Variants in ARMC9 observed in about 807,000 individuals in gnomAD.
ARMC9 encodes the protein armadillo repeat containing 9.
In ARMC9, 94 loss-of-function variants were observed where a neutral mutation model predicts 107.0. That is an observed-to-expected ratio of 0.88 (90% CI 0.74 to 1.04). ARMC9 has a LOEUF of 1.04. ARMC9 is among the 50% of genes least tolerant of loss of function. The pLI is 0.00. For synonymous variants in ARMC9, 380 were observed against 396.9 expected (o/e 0.96, Z 0.51); for missense variants, 942 against 1,030.1 (o/e 0.91, Z 1.17).
In ARMC9 at chr2:231,371,494, C is replaced by T. The variant is rs2046018756; in HGVS notation, c.2435-19C>T. 8.1e-7 allele frequency: 1 copy of T among 1,238,966 alleles called. No homozygotes were observed. Among genetic ancestry groups the T allele is most frequent in the East Asian group, 3.1e-5 (1 of 31,766 alleles). The allele number at this position is 1,238,966 out of a possible 1,614,324, so 76.7% of individuals were successfully genotyped here. Reference sequence around the variant, plus strand: ...GAGACCACACAGCACTGGCATCTTGCTCTGGCTTTTCTCTCCAGGCAGCCA... The same window carrying T: ...GAGACCACACAGCACTGGCATCTTGTTCTGGCTTTTCTCTCCAGGCAGCCA... On this transcript the variant is annotated intron_variant, in intron 24 of 24. Coordinates refer to ENST00000611582, the MANE Select transcript of ARMC9 (RefSeq NM_001352754.2).
At chr2:231,303,048 T>A (rs1290007180) in intron 19 of ARMC9, among the ~76,000 whole-genome samples, 1 of 152,246 alleles carries the variant, frequency 6.6e-6, no homozygotes, top group Admixed American at 6.5e-5. Flanking sequence ...ATCTTGTTAA[T>A]TAAAATCTAT....
Position 231,362,159 on chromosome 2 carries a change from T to G in ARMC9, c.2261+1276T>G, listed in dbSNP as rs1265721675. On this transcript the variant is annotated intron_variant, in intron 23 of 24. Transcript: ENST00000611582. The surrounding 1 kb of genome is among the most constrained non-coding windows in gnomAD (Gnocchi z 4.7). ...CTGCCTGGGGACCCAGGGACCTACCTCCCCTACCTGGGCCTCCTCCCCTCT... is the reference window on the plus strand; with the variant it reads ...CTGCCTGGGGACCCAGGGACCTACCGCCCCTACCTGGGCCTCCTCCCCTCT... 6.6e-6 allele frequency among the ~76,000 whole-genome samples: 1 copy of G among 152,076 alleles called. No individual in the cohort carries two copies. Among genetic ancestry groups the G allele is most frequent in the Non-Finnish European group, 1.5e-5 (1 of 68,000 alleles).
At chr2:231,256,016 G>C in intron 9 of ARMC9, 1 of 1,357,564 alleles carries the variant, frequency 7.4e-7, no homozygotes, top group Non-Finnish European at 9.9e-7. Flanking sequence ...CTCCAGCCTG[G>C]GTGACAGAGC....
intron 12 of ARMC9, among the ~76,000 whole-genome samples, chr2:231,263,390 C>A (rs1184322546): frequency 6.6e-6 from 1 of 152,202 alleles, no homozygotes; most frequent in Non-Finnish European, 1.5e-5. Flanking sequence ...CAGCATCTGG[C>A]AAGAGTCATC....
intron 5 of ARMC9, 38 bp downstream of exon 5, chr2:231,216,831 G>A (rs756897253): frequency 5.0e-5 from 80 of 1,588,484 alleles, no homozygotes; most frequent in Non-Finnish European, 6.3e-5. Context: ...CAGATCCTGG[G>A]TGACATTGTG....
At chr2:231,340,781 G>A (rs572218557) in intron 20 of ARMC9, among the ~76,000 whole-genome samples, 8 of 152,240 alleles carry the variant, frequency 5.3e-5, no homozygotes, top group African/African-American at 1.7e-4. Context: ...CCAGCTACTC[G>A]GGAAGCTGAG....
intron 21 of ARMC9, among the ~76,000 whole-genome samples, chr2:231,355,442 C>T (rs755152907): frequency 1.1e-4 from 17 of 152,254 alleles, no homozygotes; most frequent in Admixed American, 5.2e-4. Context: ...TCCCTTCATT[C>T]ATCTGCTTCA....
chr2:231,282,181 GT>G (rs2040266451), intron 17 of ARMC9, 48 bp downstream of exon 17: 2 of 1,586,986 alleles, frequency 1.3e-6, no homozygotes, highest in African/African-American at 2.7e-5. Context: ...TAGTGCCACA[GT>G]TCAGAGCTTT....
chr2:231,355,480 C>T (rs1032554998), intron 21 of ARMC9, among the ~76,000 whole-genome samples: 4 of 152,218 alleles, frequency 2.6e-5, no homozygotes, highest in Admixed American at 2.0e-4. Context: ...AGATCCGTGC[C>T]TTACGTTGTT....
chr2:231,355,115 G>C (rs1258525768), intron 21 of ARMC9, among the ~76,000 whole-genome samples: 1 of 152,174 alleles, frequency 6.6e-6, no homozygotes, highest in Non-Finnish European at 1.5e-5. Flanking sequence ...AAGGTGAGAG[G>C]ATTGCTTGAG....
At chr2:231,226,870 C>A in intron 7 of ARMC9, 72 bp downstream of exon 7, 1 of 1,503,320 alleles carries the variant, frequency 6.7e-7, no homozygotes, top group Non-Finnish European at 9.2e-7. Context: ...AAGATCGGTG[C>A]AAAGATGGAG....
intron 14 of ARMC9, among the ~76,000 whole-genome samples, chr2:231,274,620 C>T (rs2039610758): frequency 6.6e-6 from 1 of 152,146 alleles, no homozygotes; most frequent in Non-Finnish European, 1.5e-5. Flanking sequence ...ATGATCACCT[C>T]AAGTTCTCTT....
At chr2:231,367,854 G>T (rs555668902) in intron 23 of ARMC9, among the ~76,000 whole-genome samples, 1 of 151,708 alleles carries the variant, frequency 6.6e-6, no homozygotes, top group Non-Finnish European at 1.5e-5. Flanking sequence ...GTGGTGGCGG[G>T]CGCCTGTAAT....
At chr2:231,235,439 C>T in intron 8 of ARMC9, 58 bp downstream of exon 8, 2 of 1,588,012 alleles carry the variant, frequency 1.3e-6, no homozygotes, top group South Asian at 1.2e-5. Flanking sequence ...GGCTTATAGG[C>T]ATGGACTATG....
At chr2:231,298,871 C>T (rs1272524091) in intron 19 of ARMC9, among the ~76,000 whole-genome samples, 1 of 152,102 alleles carries the variant, frequency 6.6e-6, no homozygotes, top group Non-Finnish European at 1.5e-5. Flanking sequence ...GAGGCGGAGG[C>T]TGCAGTGAGC....
rs187119741 is a variant in ARMC9, at chr2:231,304,036, C to T, written c.1773+7783C>T. 2.6e-3 allele frequency among the ~76,000 whole-genome samples: 399 copies of T among 152,244 alleles called. 1 individual carries two copies. Among genetic ancestry groups the T allele is most frequent in the Middle Eastern group, 6.8e-3 (2 of 294 alleles). ...CACTGGGTCAAGAGATCAAGACCATCCTGGCCAACATGGTAAAACCCCATC... is the reference window on the plus strand; with the variant it reads ...CACTGGGTCAAGAGATCAAGACCATTCTGGCCAACATGGTAAAACCCCATC... On this transcript the variant is annotated intron_variant, in intron 19 of 24. Coordinates refer to ENST00000611582, the MANE Select transcript of ARMC9 (RefSeq NM_001352754.2).
intron 20 of ARMC9, among the ~76,000 whole-genome samples, chr2:231,342,626 G>C (rs1365435080): frequency 6.6e-6 from 1 of 152,122 alleles, no homozygotes; most frequent in Admixed American, 6.5e-5. Flanking sequence ...ACCGTGATGA[G>C]AGCGTGTAAA....
chr2:231,344,644 C>T (rs2044706917), intron 20 of ARMC9, among the ~76,000 whole-genome samples: 1 of 152,146 alleles, frequency 6.6e-6, no homozygotes, highest in Non-Finnish European at 1.5e-5. Flanking sequence ...AATCAAATGT[C>T]CATCTTTTTT....
chr2:231,256,683 A>T, intron 10 of ARMC9, 63 bp downstream of exon 10: 1 of 1,553,404 alleles, frequency 6.4e-7, no homozygotes, highest in Non-Finnish European at 8.9e-7. Context: ...CGGGAATTCA[A>T]AGTGTCTTTA....
Sources: allele counts gnomAD v4.1 joint callset (sites outside exome capture counted in the v4.1 genomes callset), GRCh38; gene constraint gnomAD v4.1.1; non-coding constraint Gnocchi (gnomAD v3.1); transcripts MANE v1.5; gene names NCBI Gene and HGNC (gene_info 2026-07-23, HGNC 2026-07-21).